Variants in TBC1D1 observed in about 807,000 individuals in gnomAD.
TBC1D1 encodes TBC1 (tre-2/USP6, BUB2, cdc16) domain family, member 1.
TBC1D1 carries 89 observed loss-of-function variants against 125.6 expected under a neutral mutation model. The observed-to-expected ratio is 0.71, with a 90% CI of 0.60 to 0.85. The LOEUF (loss-of-function observed/expected upper bound fraction) is 0.85. Among genes scored for constraint, TBC1D1 ranks in the 40% least tolerant of loss-of-function variants. The pLI, the probability that TBC1D1 is intolerant of heterozygous loss-of-function variation, is 0.00. For synonymous variants in TBC1D1, 565 were observed against 564.1 expected, an observed-to-expected ratio of 1.00 and a Z score of -0.02; for missense variants, 1,377 against 1,469.2, an observed-to-expected ratio of 0.94 and a Z score of 1.03.
chr4:37,983,651 TAGAAAC>T (rs377120135), intron 2 of TBC1D1, among the ~76,000 whole-genome samples: 74 of 152,318 alleles, frequency 4.9e-4, no homozygotes, highest in African/African-American at 1.6e-3. Context: ...GATGTTTTGA[TAGAAAC>T]AGAAGAACAG....
rs1765921686 is a variant in TBC1D1, at chr4:38,133,338, G to A, written c.3306+81G>A. The A allele has an allele frequency of 2.9e-6, 4 of 1,376,578 alleles. No homozygotes were observed. In the Admixed American group the frequency reaches 8.1e-5, roughly 28 times the overall value. 85.3% of individuals were successfully genotyped at this position (1,376,578 alleles called of 1,614,324 possible). Reference sequence around the variant, plus strand: ...ACTCACCAAAGGCAACAGCAGGCTGGGCTTTCCCATGACCAGAGGACCTTT... The same window carrying A: ...ACTCACCAAAGGCAACAGCAGGCTGAGCTTTCCCATGACCAGAGGACCTTT... On this transcript the variant is annotated intron_variant, in intron 19 of 19. Coordinates refer to ENST00000261439, the MANE Select transcript of TBC1D1 (RefSeq NM_015173.4).
At chr4:38,074,886 G>A (rs965052148) in intron 12 of TBC1D1, among the ~76,000 whole-genome samples, 8 of 151,650 alleles carry the variant, frequency 5.3e-5, no homozygotes, top group African/African-American at 9.7e-5. Context: ...TCAGCCTCCC[G>A]AGTAGCTGGG....
chr4:38,078,406 TG>T (rs1197582637), intron 12 of TBC1D1, among the ~76,000 whole-genome samples: 1 of 152,194 alleles, frequency 6.6e-6, no homozygotes, highest in East Asian at 1.9e-4. Context: ...GTTTTAGGGA[TG>T]GGGTAGCTTG....
chr4:38,067,530 C>T (rs932825426), intron 12 of TBC1D1, among the ~76,000 whole-genome samples: 2 of 152,184 alleles, frequency 1.3e-5, no homozygotes, highest in East Asian at 1.9e-4. Context: ...GGAGACAAAA[C>T]AGAAGCTGTT....
At position 38,133,197 on chromosome 4, in the gene TBC1D1, A is replaced by G. The variant is rs1269595664; in HGVS notation, c.3246A>G (p.Lys1082=). 6.2e-7 allele frequency: 1 copy of G among 1,614,248 alleles called. No homozygotes were observed. Among genetic ancestry groups the G allele is most frequent in the South Asian group, 1.1e-5 (1 of 91,090 alleles). Residue 1082 remains lysine, a synonymous_variant, in exon 19 of 20, where the codon AAA becomes AAG. Transcript: ENST00000261439. ...TCAGTGACAACCAAAGAATGGATAA[A>G]TTAGAGAAAACCAACAGCAGCTTAC...
Position 37,902,464 on chromosome 4 carries a change from C to G in TBC1D1, c.369C>G (p.Val123=). Residue 123 remains valine, a synonymous_variant, in exon 2 of 20, where the codon GTC becomes GTG. Coordinates refer to ENST00000261439, the MANE Select transcript of TBC1D1 (RefSeq NM_015173.4). Reference sequence around the variant, plus strand: ...CTTGTCTGATTAAGGAAGACGCTGTCCACCGGCAGAGTATCTGCTATGTGT... The same window carrying G: ...CTTGTCTGATTAAGGAAGACGCTGTGCACCGGCAGAGTATCTGCTATGTGT... The G allele has an allele frequency of 1.2e-6, 2 of 1,613,642 alleles. No homozygotes were observed. Among genetic ancestry groups the G allele is most frequent in the South Asian group, 2.2e-5 (2 of 91,000 alleles).
chr4:38,003,641 G>A (rs1190191940), intron 2 of TBC1D1, among the ~76,000 whole-genome samples: 1 of 152,128 alleles, frequency 6.6e-6, no homozygotes, highest in Non-Finnish European at 1.5e-5. Context: ...GCTGAGGTGG[G>A]AAGATCCCTT....
intron 2 of TBC1D1, among the ~76,000 whole-genome samples, chr4:37,913,531 A>G (rs1279936302): frequency 2.0e-5 from 3 of 152,022 alleles, no homozygotes; most frequent in African/African-American, 7.2e-5. Flanking sequence ...CCCAGGAGGC[A>G]GAGGTTGCGG....
At chr4:38,015,314 C>T (rs1266995441) in intron 3 of TBC1D1, among the ~76,000 whole-genome samples, 1 of 152,144 alleles carries the variant, frequency 6.6e-6, no homozygotes, top group Non-Finnish European at 1.5e-5. Context: ...TCAACAGAAT[C>T]TTTTAGTTGG....
At position 38,054,346 on chromosome 4, in the gene TBC1D1, C is replaced by G. The variant is rs758751334; in HGVS notation, c.2050+8C>G. On this transcript the variant is annotated splice_region_variant and intron_variant, in intron 12 of 19. Transcript: ENST00000261439. ...CTTCCAGCAGATATGAAGGTAAGGCCGGTACCTGAAATGAAACCTCAAAGA... is the reference window on the plus strand; with the variant it reads ...CTTCCAGCAGATATGAAGGTAAGGCGGGTACCTGAAATGAAACCTCAAAGA... The G allele has an allele frequency of 1.9e-6, 3 of 1,613,840 alleles. No individual in the cohort carries two copies. Among genetic ancestry groups the G allele is most frequent in the South Asian group, 2.2e-5 (2 of 91,066 alleles).
chr4:38,029,948 A>C (rs1745817430), intron 7 of TBC1D1, among the ~76,000 whole-genome samples: 1 of 152,252 alleles, frequency 6.6e-6, no homozygotes, highest in Non-Finnish European at 1.5e-5. Flanking sequence ...TTGGAATTCA[A>C]AAATGGACAA....
At chr4:38,110,348 G>A (rs1762002855) in intron 15 of TBC1D1, 3 of 983,480 alleles carry the variant, frequency 3.1e-6, no homozygotes, top group Non-Finnish European at 3.6e-6. Flanking sequence ...TGCCTGGGAT[G>A]TGCAGGTTTA....
chr4:38,101,928 G>A (rs868803467), intron 14 of TBC1D1, among the ~76,000 whole-genome samples: 30 of 151,934 alleles, frequency 2.0e-4, no homozygotes, highest in South Asian at 6.2e-4. Context: ...CTTAAGGCTC[G>A]ACTCAAATGA....
chr4:38,075,298 T>C (rs947460462), intron 12 of TBC1D1, among the ~76,000 whole-genome samples: 2 of 152,196 alleles, frequency 1.3e-5, no homozygotes, highest in Admixed American at 1.3e-4. Context: ...CTGTTTTCAT[T>C]TTCTACTACA....
intron 4 of TBC1D1, among the ~76,000 whole-genome samples, chr4:38,018,840 G>A (rs1485586614): frequency 1.3e-5 from 2 of 151,340 alleles, no homozygotes; most frequent in Non-Finnish European, 2.9e-5. Context: ...ACTTTTTTGG[G>A]TACCAATTGT....
chr4:38,039,913 A>G (rs1748012857), intron 8 of TBC1D1, among the ~76,000 whole-genome samples: 1 of 151,382 alleles, frequency 6.6e-6, no homozygotes, highest in South Asian at 2.1e-4. Flanking sequence ...CAGGAGTTTG[A>G]GACCAGCTTG....
chr4:38,061,894 T>C (rs1752836019), intron 12 of TBC1D1, among the ~76,000 whole-genome samples: 1 of 152,246 alleles, frequency 6.6e-6, no homozygotes, highest in South Asian at 2.1e-4. Context: ...ATGTGTCATA[T>C]ATAGTTTTCA....
intron 4 of TBC1D1, 84 bp from the exon 5 acceptor site, chr4:38,020,507 G>A (rs1361978248): frequency 9.5e-7 from 1 of 1,057,874 alleles, no homozygotes; most frequent in East Asian, 2.6e-5. Context: ...AAAATAAATT[G>A]TGCTGTATAA....
chr4:38,005,345 T>G (rs4144799), intron 2 of TBC1D1, among the ~76,000 whole-genome samples: 88,935 of 152,146 alleles, frequency 0.58, 27,011 homozygotes, highest in East Asian at 0.88. Flanking sequence ...CAGAGTGAGA[T>G]CGTAAGGTGC....
Sources: allele counts gnomAD v4.1 joint callset (sites outside exome capture counted in the v4.1 genomes callset), GRCh38; gene constraint gnomAD v4.1.1; transcripts MANE v1.5; gene names NCBI Gene and HGNC (gene_info 2026-07-23, HGNC 2026-07-21).